Variants in SCN4A observed in about 807,000 individuals in gnomAD.
SCN4A encodes sodium voltage-gated channel alpha subunit 4, also known as sodium channel protein type 4 subunit alpha.
In SCN4A, 83 loss-of-function variants were observed where a neutral mutation model predicts 162.0. The observed-to-expected ratio is 0.51, with a 90% CI of 0.43 to 0.61. The LOEUF (loss-of-function observed/expected upper bound fraction) is 0.61, where lower values mean the gene tolerates loss of function less well. Among genes scored for constraint, SCN4A ranks in the 20% least tolerant of loss-of-function variants. SCN4A has a pLI of 0.00. For missense variants in SCN4A, 2,196 were observed against 2,462.5 expected, an observed-to-expected ratio of 0.89 and a Z score of 2.29; for synonymous variants, 944 against 985.1, an observed-to-expected ratio of 0.96 and a Z score of 0.78.
intron 13 of SCN4A, among the ~76,000 whole-genome samples, chr17:63,954,247 A>G (rs1409060331): frequency 2.6e-5 from 4 of 152,208 alleles, no homozygotes; most frequent in African/African-American, 4.8e-5. Context: ...TTTAAAAACT[A>G]TCTGAAAACG....
chr17:63,946,481 C>A (rs1165368474), intron 18 of SCN4A, among the ~76,000 whole-genome samples: 2 of 142,522 alleles, frequency 1.4e-5, no homozygotes, highest in Non-Finnish European at 3.1e-5. Flanking sequence ...CCCACCCCGC[C>A]GCAACCCTGT....
rs753318815 is a variant in SCN4A at position 63,944,816 on chromosome 17, G to C, written c.3775-6C>G. 6.2e-7 allele frequency: 1 copy of C among 1,613,206 alleles called. No homozygotes were observed. The highest frequency in any genetic ancestry group is 8.5e-7 in the Non-Finnish European group (1 of 1,179,554). The stretch of plus-strand genomic sequence containing the variant: ...TACTGCGGCTGCTCCTCCTTCTGTG[G>C]GAGCCACAGGGTGGGACGGCGTGGG... On this transcript the variant is annotated splice_region_variant and splice_polypyrimidine_tract_variant and intron_variant, in intron 20 of 23. Coordinates refer to ENST00000435607, the MANE Select transcript of SCN4A (RefSeq NM_000334.4). This position sits in a 1 kb window ranked among gnomAD's most constrained non-coding sequence, Gnocchi z 4.3.
rs1303471186 is a variant in SCN4A at position 63,972,627 on chromosome 17, G to A, written c.215C>T (p.Pro72Leu). The change falls in exon 1 of 24, where the codon CCG becomes CTG. Residue 72 changes from proline (P) to leucine (L), a missense_variant. Coordinates refer to ENST00000435607, the MANE Select transcript of SCN4A (RefSeq NM_000334.4). The surrounding 1 kb of genome is among the most constrained non-coding windows in gnomAD (Gnocchi z 4.3). ...CAGGGGGATGCCGATGACCTCCGGC[G>A]GGGGGTCTCCGTAGATCATGGGTAG... ...KNLPMIYGDP[P>L]PEVIGIPLED... The A allele has an allele frequency of 1.2e-5, 19 of 1,608,356 alleles. No homozygotes were observed. Among genetic ancestry groups the A allele is most frequent in the East Asian group, 4.5e-5 (2 of 44,632 alleles).
rs1008544334 is a variant in SCN4A, at chr17:63,940,529, C to G, written c.*242G>C. On this transcript the variant is annotated 3_prime_UTR_variant, in exon 24 of 24. Transcript: ENST00000435607. Reference sequence around the variant, plus strand: ...GGTCAGAGCAACTTGCAGGTTAAATCTTGGAGGCAGGGGCCTCAGACCCAG... The same window carrying G: ...GGTCAGAGCAACTTGCAGGTTAAATGTTGGAGGCAGGGGCCTCAGACCCAG... 2 of 472,864 alleles carry G rather than the reference C, an allele frequency of 4.2e-6. No individual in the cohort carries two copies. Among genetic ancestry groups the G allele is most frequent in the Non-Finnish European group, 7.4e-6 (2 of 271,414 alleles). 29.3% of individuals were successfully genotyped at this position (472,864 alleles called of 1,614,324 possible). A position where few individuals can be genotyped will look rare whatever the true frequency, so the allele number is the denominator to read the frequency against.
At position 63,945,431 on chromosome 17, in the gene SCN4A, G is replaced by C. The variant is rs770493707; in HGVS notation, c.3649C>G (p.Gln1217Glu). ...SECESLMHTGQVRWLNVKVNY... is the reference protein window; with the variant it reads ...SECESLMHTGEVRWLNVKVNY... ...ACCTTGACATTGAGCCAGCGGACCT[G>C]GCCTGTGTGCATGAGGCTCTCGCAC... is the stretch of plus-strand genomic sequence containing the variant. The change falls in exon 19 of 24, where the codon CAG becomes GAG. Residue 1217 changes from glutamine (Q) to glutamate (E), a missense_variant. Transcript: ENST00000435607. The surrounding 1 kb of genome is among the most constrained non-coding windows in gnomAD (Gnocchi z 4.4). 2 of 1,613,808 alleles carry C rather than the reference G, an allele frequency of 1.2e-6. No homozygotes were observed. The highest frequency in any genetic ancestry group is 2.7e-5 in the African/African-American group (2 of 74,904).
Position 63,941,984 on chromosome 17 carries a change from A to G in SCN4A, c.4298T>C (p.Leu1433Pro), listed in dbSNP as rs121908550. Residue 1433 changes from leucine to proline, a missense_variant, in exon 24 of 24, where the codon CTC becomes CCC. Transcript: ENST00000435607. This position sits in a 1 kb window ranked among gnomAD's most constrained non-coding sequence, Gnocchi z 6.2. Reference protein sequence around the residue: ...VVILSIVGLALSDLIQKYFVS... With the variant: ...VVILSIVGLAPSDLIQKYFVS... Reference sequence around the variant, plus strand: ...GAAGTACTTCTGGATCAGGTCAGAGAGGGCAAGGCCTGCGGGGAGAAGCTA... The same window carrying G: ...GAAGTACTTCTGGATCAGGTCAGAGGGGGCAAGGCCTGCGGGGAGAAGCTA... The G allele has an allele frequency of 1.3e-6, 2 of 1,572,668 alleles. No individual in the cohort carries two copies. The highest frequency in any genetic ancestry group is 1.7e-5 in the Admixed American group (1 of 57,432).
At position 63,943,844 on chromosome 17, in the gene SCN4A, C is replaced by T. The variant is rs369444116; in HGVS notation, c.3919G>A (p.Gly1307Arg). 1 of 1,607,502 alleles carries T rather than the reference C, an allele frequency of 6.2e-7. No individual in the cohort carries two copies. The highest frequency in any genetic ancestry group is 1.3e-5 in the African/African-American group (1 of 74,896). ...TCCTCCGTCATAAAGATGTCTTTCCCCCCTAAGTATAGTGGGATAGGGCTT... is the reference window on the plus strand; with the variant it reads ...TCCTCCGTCATAAAGATGTCTTTCCTCCCTAAGTATAGTGGGATAGGGCTT... ...NFNQQKKKLG[G>R]KDIFMTEEQK... Residue 1307 changes from glycine (G) to arginine (R), a missense_variant, in exon 22 of 24, where the codon GGG becomes AGG. Gly to Arg is a moderately radical substitution (Grantham distance 125). Coordinates refer to ENST00000435607, the MANE Select transcript of SCN4A (RefSeq NM_000334.4).
rs1909169777 is a variant in SCN4A at position 63,959,277 on chromosome 17, G to A, written c.2007C>T (p.Arg669=). The A allele has an allele frequency of 8.1e-6, 13 of 1,613,308 alleles. No individual in the cohort carries two copies. The highest frequency in any genetic ancestry group is 1.1e-5 in the Non-Finnish European group (13 of 1,179,408). Residue 669 remains arginine, a synonymous_variant, in exon 12 of 24, where the codon CGC becomes CGT. Coordinates refer to ENST00000435607, the MANE Select transcript of SCN4A (RefSeq NM_000334.4). ...GGCTTTTGTGTACCAGACGGAAGGA[G>A]CGTAGCACAGACAGTCCCTGTACGT... ...LANVQGLSVL[R]SFRLLRVFKL...
intron 17 of SCN4A, 27 bp from the exon 18 acceptor site, chr17:63,947,194 TGCGTGCAAGGCCCCCA>T (rs1156608205): frequency 1.2e-6 from 2 of 1,611,828 alleles, no homozygotes; most frequent in East Asian, 4.5e-5. Context: ...AGGGGATCAG[TGCGTGCAAGGCCCCCA>T]GCCTCCCCTC....
rs148020122 is a variant in SCN4A, at chr17:63,946,272, T to G, written c.3442-634A>C. ...AGCTGCATGGCCACAGGCAGCTTGT[T>G]TCCCCTCAACGGGAGGGCTCCCTGG... On this transcript the variant is annotated intron_variant, in intron 18 of 23. Transcript: ENST00000435607. Among the ~76,000 whole-genome samples, 26 of 152,276 alleles carry G rather than the reference T, an allele frequency of 1.7e-4. No homozygotes were observed. In the East Asian group the frequency reaches 4.1e-3, roughly 24 times the overall value.
In SCN4A at chr17:63,942,847, C is replaced by T. The variant is rs943905262; in HGVS notation, c.4267G>A (p.Val1423Ile). 1.2e-6 allele frequency: 2 copies of T among 1,613,818 alleles called. No homozygotes were observed. Among genetic ancestry groups the T allele is most frequent in the African/African-American group, 2.7e-5 (2 of 74,936 alleles). Residue 1423 changes from valine to isoleucine, a missense_variant, in exon 23 of 24, where the codon GTC becomes ATC. Coordinates refer to ENST00000435607, the MANE Select transcript of SCN4A (RefSeq NM_000334.4). ...TCACCCACAATGGACAGGATGACGA[C>T]CACGAAGTCAAAGATGTTCCAGCCA... ...TVGWNIFDFV[V>I]VILSIVGLAL...
In SCN4A at chr17:63,941,080, G is replaced by A. The variant is rs754476087; in HGVS notation, c.5202C>T (p.Ile1734=). The stretch of plus-strand genomic sequence containing the variant: ...GCAGGTGCCGGCGGTAGGCCCTCTG[G>A]ATCTTGATGGCGCACACCTCCTCGT... ...RKHEEVCAIK[I]QRAYRRHLLQ... The change falls in exon 24 of 24, where the codon ATC becomes ATT. Residue 1734 remains isoleucine (I), a synonymous_variant. Transcript: ENST00000435607. The surrounding 1 kb of genome is among the most constrained non-coding windows in gnomAD (Gnocchi z 6.2). 1 of 1,613,990 alleles carries A rather than the reference G, an allele frequency of 6.2e-7. No individual in the cohort carries two copies. The highest frequency in any genetic ancestry group is 2.2e-5 in the East Asian group (1 of 44,882).
rs749394640 is a variant in SCN4A at position 63,964,564 on chromosome 17, C to G, written c.1356G>C (p.Glu452Asp). The change falls in exon 9 of 24, where the codon GAG becomes GAC. Residue 452 changes from glutamate to aspartate, a missense_variant. Transcript: ENST00000435607. The stretch of plus-strand genomic sequence containing the variant: ...CCTCGGCCAGGGTGGCCTCATTCTG[C>G]TCGGCATATGCCATGGCCACCACGG... Reference protein sequence around the residue: ...ILAVVAMAYAEQNEATLAEDK... With the variant: ...ILAVVAMAYADQNEATLAEDK... 5 of 1,614,050 alleles carry G rather than the reference C, an allele frequency of 3.1e-6. No individual in the cohort carries two copies. The highest frequency in any genetic ancestry group is 4.2e-6 in the Non-Finnish European group (5 of 1,179,892).
At chr17:63,964,736 G>T in intron 8 of SCN4A, 59 bp from the exon 9 acceptor site, 1 of 1,396,884 alleles carries the variant, frequency 7.2e-7, no homozygotes, top group Non-Finnish European at 9.9e-7. Flanking sequence ...CTTTGACCCA[G>T]TGCCCCTTTC....
At chr17:63,947,784 G>C (rs527931271) in intron 17 of SCN4A, 106 bp downstream of exon 17, 6 of 1,092,186 alleles carry the variant, frequency 5.5e-6, no homozygotes, top group Admixed American at 2.6e-5. Flanking sequence ...CTGACTCTGG[G>C]GGTGGCCTCG....
At chr17:63,970,590 A>C (rs117554103) in intron 5 of SCN4A, among the ~76,000 whole-genome samples, 1 of 151,998 alleles carries the variant, frequency 6.6e-6, no homozygotes, top group Non-Finnish European at 1.5e-5. Flanking sequence ...TAGCCTCCCA[A>C]GTAGCTGGGA....
chr17:63,956,024 A>G (rs1909061875), intron 13 of SCN4A, among the ~76,000 whole-genome samples: 1 of 152,050 alleles, frequency 6.6e-6, no homozygotes, highest in African/African-American at 2.4e-5. Context: ...GGCAGGAGTG[A>G]CCTCCACTGC....
At chr17:63,956,941 C>T (rs949385173) in intron 13 of SCN4A, among the ~76,000 whole-genome samples, 7 of 152,246 alleles carry the variant, frequency 4.6e-5, no homozygotes, top group Non-Finnish European at 8.8e-5. Context: ...AGGCCCAGAG[C>T]TGCTGAATCA....
chr17:63,942,069 C>T, intron 23 of SCN4A, 76 bp from the exon 24 acceptor site: 1 of 1,393,848 alleles, frequency 7.2e-7, no homozygotes, highest in Non-Finnish European at 9.6e-7. Flanking sequence ...ATGCGGGGCT[C>T]AGGGGGCCCG....
Sources: gnomAD v4.1 joint callset for allele counts (sites outside exome capture counted in the v4.1 genomes callset) on GRCh38, gnomAD v4.1.1 for gene constraint, Gnocchi (gnomAD v3.1) non-coding constraint, MANE v1.5 for transcripts, NCBI Gene and HGNC (gene_info 2026-07-23, HGNC 2026-07-21) for gene names.